CNN1: variants seen among roughly 807,000 people sequenced by gnomAD.
CNN1 encodes calponin 1.
Under a neutral mutation model 35.3 loss-of-function variants are expected in CNN1, and 21 were observed. That is an observed-to-expected ratio of 0.60 (90% CI 0.42 to 0.86). CNN1 has a LOEUF of 0.86. Ranked by LOEUF, CNN1 falls within the 40% of genes least tolerant of loss-of-function variation. The pLI is 0.00. For synonymous variants in CNN1, 164 were observed against 161.8 expected (o/e 1.01, Z -0.10); for missense variants, 314 against 400.8 (o/e 0.78, Z 1.85).
At position 11,546,703 on chromosome 19, in the gene CNN1, G is replaced by C; in HGVS notation, c.214G>C (p.Val72Leu). The change falls in exon 3 of 7, where the codon GTG becomes CTG. Residue 72 changes from valine to leucine, a missense_variant. Coordinates refer to ENST00000252456, the MANE Select transcript of CNN1 (RefSeq NM_001299.6). ...EFINKLQPGS[V>L]KKINESTQNW... ...CATCAATAAGCTGCAGCCAGGCTCC[G>C]TGAAGAAGATCAATGAGTCAACCCA... is the stretch of plus-strand genomic sequence containing the variant. 6.2e-7 allele frequency: 1 copy of C among 1,614,114 alleles called. No individual in the cohort carries two copies. Among genetic ancestry groups the C allele is most frequent in the Non-Finnish European group, 8.5e-7 (1 of 1,180,030 alleles).
intron 2 of CNN1, 46 bp downstream of exon 2, chr19:11,541,243 C>T (rs1013633212): frequency 6.7e-7 from 1 of 1,498,796 alleles, no homozygotes; most frequent in Non-Finnish European, 8.9e-7. Flanking sequence ...TCCCCCAACT[C>T]CATGCAGCCC....
chr19:11,542,439 C>T (rs1276829975), intron 2 of CNN1, among the ~76,000 whole-genome samples: 1 of 151,864 alleles, frequency 6.6e-6, no homozygotes, highest in South Asian at 2.1e-4. Flanking sequence ...GTGATCCACC[C>T]GCCTTAGTCT....
intron 1 of CNN1, among the ~76,000 whole-genome samples, 166 bp from the exon 2 acceptor site, chr19:11,540,910 C>T (rs1320339461): frequency 6.6e-6 from 1 of 152,196 alleles, no homozygotes; most frequent in Non-Finnish European, 1.5e-5. Context: ...TCTCAGCCCG[C>T]CCCAGCCCCC....
intron 5 of CNN1, among the ~76,000 whole-genome samples, chr19:11,548,686 A>G (rs984003454): frequency 6.6e-6 from 1 of 151,142 alleles, no homozygotes; most frequent in Non-Finnish European, 1.5e-5. Flanking sequence ...AAAAATACAA[A>G]AACTAGCCGG....
rs375046434 is a variant in CNN1, at chr19:11,546,889, G to A, written c.310G>A (p.Asp104Asn). 7.4e-6 allele frequency: 12 copies of A among 1,614,114 alleles called. No homozygotes were observed. The highest frequency in any genetic ancestry group is 1.7e-5 in the Admixed American group (1 of 60,002). Residue 104 changes from aspartate (D) to asparagine (N), a missense_variant, in exon 4 of 7, where the codon GAC becomes AAC. Asp to Asn is a conservative substitution (Grantham distance 23). Transcript: ENST00000252456. ...CACCAAGTATGGGGTGAAGCCCCAC[G>A]ACATTTTTGAGGCCAACGACCTGTT... is the stretch of plus-strand genomic sequence containing the variant. Reference protein sequence around the residue: ...AITKYGVKPHDIFEANDLFEN... With the variant: ...AITKYGVKPHNIFEANDLFEN...
chr19:11,539,499 C>T (rs1208940146), intron 1 of CNN1: 1 of 1,132,646 alleles, frequency 8.8e-7, no homozygotes, highest in East Asian at 9.4e-5. Context: ...TGGACACCAC[C>T]TTCATGCTAT....
rs943480138 is a variant in CNN1 at position 11,549,088 on chromosome 19, T to C, written c.502-235T>C. On this transcript the variant is annotated intron_variant, in intron 5 of 6. Transcript: ENST00000252456. The surrounding 1 kb of genome is among the most constrained non-coding windows in gnomAD (Gnocchi z 5.2). Reference sequence around the variant, plus strand: ...CTGTGATCCCAGCTACTCCGGAGGCTGAGGCAGGAGAATTGCTTGAATGTG... The same window carrying C: ...CTGTGATCCCAGCTACTCCGGAGGCCGAGGCAGGAGAATTGCTTGAATGTG... Among the ~76,000 whole-genome samples, 26 of 151,282 alleles carry C rather than the reference T, an allele frequency of 1.7e-4. No individual in the cohort carries two copies. Among genetic ancestry groups the C allele is most frequent in the Admixed American group, 1.3e-3 (20 of 15,138 alleles).
In CNN1 at chr19:11,543,808, T is replaced by C. The variant is rs528550868; in HGVS notation, c.185+2611T>C. On this transcript the variant is annotated intron_variant, in intron 2 of 6. Transcript: ENST00000252456. ...AAAAAAAAAAAAAAAAAAAAAGACC[T>C]AATGTAAATGACGAGTTGATGGGTG... 1.1e-4 allele frequency among the ~76,000 whole-genome samples: 15 copies of C among 139,124 alleles called. No homozygotes were observed. The South Asian group carries it at 3.2e-3, about 30-fold the overall frequency. The allele number at this position is 139,124 out of a possible 152,430, so 91.3% of individuals were successfully genotyped here.
Position 11,549,238 on chromosome 19 carries a change from C to A in CNN1, c.502-85C>A. 1 of 1,368,362 alleles carries A rather than the reference C, an allele frequency of 7.3e-7. No individual in the cohort carries two copies. 84.8% of individuals were successfully genotyped at this position (1,368,362 alleles called of 1,614,324 possible). On this transcript the variant is annotated intron_variant, in intron 5 of 6. Coordinates refer to ENST00000252456, the MANE Select transcript of CNN1 (RefSeq NM_001299.6). This position sits in a 1 kb window ranked among gnomAD's most constrained non-coding sequence, Gnocchi z 5.2. ...AAAATTGAAAAAAATGATAAAGCGG[C>A]GCCTCATCCTCTCCCATCAGCTATG...
chr19:11,541,900 G>GTTTTTTT (rs58942484), intron 2 of CNN1: 2 of 94,506 alleles, frequency 2.1e-5, no homozygotes, highest in Non-Finnish European at 2.3e-5. Flanking sequence ...GTTAATTTTT[G>GTTTTTTT]TTTTTTTTTT....
Position 11,549,487 on chromosome 19 carries a change from G to A in CNN1, c.648+18G>A, listed in dbSNP as rs1972667526. On this transcript the variant is annotated intron_variant, in intron 6 of 6. Transcript: ENST00000252456. This position sits in a 1 kb window ranked among gnomAD's most constrained non-coding sequence, Gnocchi z 5.2. ...CCAGCCAGGTGAGTGGGGGCCCCCG[G>A]GACACGCCGTCAAGGCCCAGGACCC... 6.2e-7 allele frequency: 1 copy of A among 1,612,422 alleles called. No homozygotes were observed.
rs750705682 is a variant in CNN1 at position 11,546,664 on chromosome 19, A to G, written c.186-11A>G. 2 of 1,613,252 alleles carry G rather than the reference A, an allele frequency of 1.2e-6. No individual in the cohort carries two copies. The highest frequency in any genetic ancestry group is 2.2e-5 in the South Asian group (2 of 91,048). On this transcript the variant is annotated splice_polypyrimidine_tract_variant and intron_variant, in intron 2 of 6. Coordinates refer to ENST00000252456, the MANE Select transcript of CNN1 (RefSeq NM_001299.6). ...GGGACACCTTTCTTACCCCTTCCCC[A>G]CTCTTCTCAGATTCATCAATAAGCT...
chr19:11,542,482 T>C (rs2145031103), intron 2 of CNN1, among the ~76,000 whole-genome samples: 1 of 151,928 alleles, frequency 6.6e-6, no homozygotes, highest in East Asian at 1.9e-4. Flanking sequence ...CATGAACCAC[T>C]GCACCCTGCC....
At chr19:11,542,656 A>C (rs1972492049) in intron 2 of CNN1, among the ~76,000 whole-genome samples, 1 of 150,680 alleles carries the variant, frequency 6.6e-6, no homozygotes, top group African/African-American at 2.4e-5. Flanking sequence ...GCTCACTGCA[A>C]GCTCTGCCTC....
At chr19:11,546,343 CT>C (rs1261796219) in intron 2 of CNN1, among the ~76,000 whole-genome samples, 513 of 139,668 alleles carry the variant, frequency 3.7e-3, no homozygotes, top group Middle Eastern at 7.5e-3. Context: ...ACCTTTCTTT[CT>C]TTTTTTTTTT....
chr19:11,547,739 G>A (rs927497366), intron 4 of CNN1, 58 bp from the exon 5 acceptor site: 3 of 1,404,842 alleles, frequency 2.1e-6, no homozygotes, highest in Non-Finnish European at 2.0e-6. Context: ...CAGTGTCCAA[G>A]GGGACTGTGC....
Position 11,541,101 on chromosome 19 carries a change from G to T in CNN1, c.89G>T (p.Arg30Leu), listed in dbSNP as rs201339097. Reference protein sequence around the residue: ...NKLAQKYDHQREQELREWIEG... With the variant: ...NKLAQKYDHQLEQELREWIEG... ...CTGGCCCAGAAGTATGACCACCAGC[G>T]GGAGCAGGAGCTGAGAGAGTGGATC... The change falls in exon 2 of 7, where the codon CGG becomes CTG. Residue 30 changes from arginine to leucine, a missense_variant. By Grantham distance (102) the Arg-to-Leu change is moderately radical. Coordinates refer to ENST00000252456, the MANE Select transcript of CNN1 (RefSeq NM_001299.6). 1 of 1,611,062 alleles carries T rather than the reference G, an allele frequency of 6.2e-7. No individual in the cohort carries two copies. The highest frequency in any genetic ancestry group is 1.7e-5 in the Admixed American group (1 of 59,728).
intron 1 of CNN1, chr19:11,539,875 C>A (rs932568171): frequency 2.1e-5 from 24 of 1,164,712 alleles, no homozygotes; most frequent in East Asian, 8.2e-5. Context: ...TCCTCCCCCC[C>A]AGCGCCGGCC....
rs954656275 is a variant in CNN1, at chr19:11,549,480, G to A, written c.648+11G>A. On this transcript the variant is annotated intron_variant, in intron 6 of 6. Coordinates refer to ENST00000252456, the MANE Select transcript of CNN1 (RefSeq NM_001299.6). This position sits in a 1 kb window ranked among gnomAD's most constrained non-coding sequence, Gnocchi z 5.2. ...AAAGGAGCCAGCCAGGTGAGTGGGG[G>A]CCCCCGGGACACGCCGTCAAGGCCC... 3.7e-6 allele frequency: 6 copies of A among 1,613,096 alleles called. No individual in the cohort carries two copies. Among genetic ancestry groups the A allele is most frequent in the Non-Finnish European group, 5.1e-6 (6 of 1,179,434 alleles).
Sources: gnomAD v4.1 joint callset for allele counts (sites outside exome capture counted in the v4.1 genomes callset) on GRCh38, gnomAD v4.1.1 for gene constraint, Gnocchi (gnomAD v3.1) non-coding constraint, MANE v1.5 for transcripts, NCBI Gene and HGNC (gene_info 2026-07-23, HGNC 2026-07-21) for gene names.